RNGTT: variants seen among roughly 807,000 people sequenced by gnomAD.
RNGTT encodes RNA guanylyltransferase and 5'-phosphatase.
A neutral mutation model predicts 79.3 loss-of-function variants in RNGTT; 33 were observed. The observed-to-expected ratio is 0.42, with a 90% confidence interval of 0.32 to 0.56. The LOEUF (loss-of-function observed/expected upper bound fraction) is 0.56, where lower values mean the gene tolerates loss of function less well. Ranked by LOEUF, RNGTT falls within the 20% of genes least tolerant of loss-of-function variation. RNGTT has a pLI of 0.17. For missense variants in RNGTT, 497 were observed against 739.1 expected (o/e 0.67, Z 3.80); for synonymous variants, 222 against 235.9 (o/e 0.94, Z 0.54).
At chr6:88,801,133 G>A (rs144969550) in intron 12 of RNGTT, among the ~76,000 whole-genome samples, 4 of 152,274 alleles carry the variant, frequency 2.6e-5, no homozygotes, top group Non-Finnish European at 4.4e-5. Flanking sequence ...TTCTCAAGTA[G>A]TGACAAAGTA....
chr6:88,896,764 T>C (rs1783263533), intron 6 of RNGTT, among the ~76,000 whole-genome samples: 1 of 152,206 alleles, frequency 6.6e-6, no homozygotes, highest in Non-Finnish European at 1.5e-5. Flanking sequence ...CCCTCTATCC[T>C]TTGTGTATTG....
chr6:88,936,093 C>T (rs1242520637), intron 2 of RNGTT, among the ~76,000 whole-genome samples: 1 of 152,058 alleles, frequency 6.6e-6, no homozygotes, highest in Non-Finnish European at 1.5e-5. Context: ...ATAACTTTTA[C>T]ATTTTTAAAA....
rs1173041273 is a variant in RNGTT, at chr6:88,714,731, C to A, written c.1440-36312G>T. 1.3e-5 allele frequency among the ~76,000 whole-genome samples: 2 copies of A among 151,092 alleles called. 1 individual carries two copies. Among genetic ancestry groups the A allele is most frequent in the South Asian group, 4.2e-4 (2 of 4,772 alleles). On this transcript the variant is annotated intron_variant, in intron 13 of 15. Transcript: ENST00000369485. ...TGCTGGGATTACAGGCGTGAGCCAC[C>A]GCGCCCGGCCTAAAAGTACTTTTTA... is the stretch of plus-strand genomic sequence containing the variant.
chr6:88,836,731 T>A (rs1356257199), intron 11 of RNGTT, among the ~76,000 whole-genome samples: 1 of 151,900 alleles, frequency 6.6e-6, no homozygotes, highest in Non-Finnish European at 1.5e-5. Flanking sequence ...CAGAACAAGA[T>A]CCTATCTCTA....
chr6:88,892,588 C>T (rs914094795), intron 6 of RNGTT, among the ~76,000 whole-genome samples: 9 of 151,802 alleles, frequency 5.9e-5, no homozygotes, highest in African/African-American at 9.7e-5. Flanking sequence ...AATATCACAG[C>T]GAAGTAAAGC....
At chr6:88,818,438 C>A (rs1780395805) in intron 11 of RNGTT, among the ~76,000 whole-genome samples, 1 of 151,912 alleles carries the variant, frequency 6.6e-6, no homozygotes, top group Non-Finnish European at 1.5e-5. Flanking sequence ...CAAAAATTAG[C>A]CAGGCATAGT....
chr6:88,830,180 A>G (rs1021540528), intron 11 of RNGTT, among the ~76,000 whole-genome samples: 5 of 152,192 alleles, frequency 3.3e-5, no homozygotes, highest in South Asian at 2.1e-4. Context: ...AACAGAAATC[A>G]TAACAGTCTC....
At chr6:88,828,173 G>C (rs957947021) in intron 11 of RNGTT, among the ~76,000 whole-genome samples, 3 of 152,124 alleles carry the variant, frequency 2.0e-5, no homozygotes, top group African/African-American at 7.2e-5. Flanking sequence ...TGCCCATCTA[G>C]GACAAAGCTT....
chr6:88,721,223 A>G (rs1776699322), intron 13 of RNGTT, among the ~76,000 whole-genome samples: 1 of 152,022 alleles, frequency 6.6e-6, no homozygotes, highest in Admixed American at 6.6e-5. Context: ...CTTAAATCCA[A>G]ACTACACTCT....
intron 11 of RNGTT, among the ~76,000 whole-genome samples, chr6:88,826,102 T>C (rs1345903874): frequency 2.6e-5 from 4 of 152,150 alleles, no homozygotes; most frequent in Admixed American, 2.0e-4. Flanking sequence ...CAATGACAAA[T>C]CACAGTTGAT....
At chr6:88,779,941 T>C (rs1020574692) in intron 12 of RNGTT, among the ~76,000 whole-genome samples, 5 of 152,018 alleles carry the variant, frequency 3.3e-5, no homozygotes, top group Admixed American at 2.6e-4. Context: ...TTGCAGTGAG[T>C]CAAGATCACA....
chr6:88,853,092 C>G (rs765546941), intron 9 of RNGTT, among the ~76,000 whole-genome samples: 6 of 152,300 alleles, frequency 3.9e-5, no homozygotes, highest in Middle Eastern at 3.4e-3. Context: ...AATTTCTCCA[C>G]CAAAGAAAAT....
chr6:88,935,701 G>A (rs1784645328), intron 2 of RNGTT, among the ~76,000 whole-genome samples: 1 of 152,050 alleles, frequency 6.6e-6, no homozygotes, highest in South Asian at 2.1e-4. Flanking sequence ...CAATCCATGG[G>A]CATGGAGGTC....
At chr6:88,744,676 T>A (rs1418849185) in intron 13 of RNGTT, among the ~76,000 whole-genome samples, 1 of 148,106 alleles carries the variant, frequency 6.8e-6, no homozygotes, top group African/African-American at 2.5e-5. Flanking sequence ...AATAGTTTTT[T>A]ATGCTATGAT....
At chr6:88,932,206 C>T (rs1036787941) in intron 2 of RNGTT, among the ~76,000 whole-genome samples, 1 of 152,132 alleles carries the variant, frequency 6.6e-6, no homozygotes, top group African/African-American at 2.4e-5. Context: ...AGGGATGAAA[C>T]ACACCCTAGT....
chr6:88,771,317 A>G (rs113239417), intron 12 of RNGTT, among the ~76,000 whole-genome samples: 2,099 of 34,386 alleles, frequency 0.061, 17 homozygotes, highest in South Asian at 0.091. Context: ...GTGTGTGTGT[A>G]TATATATATA....
intron 13 of RNGTT, among the ~76,000 whole-genome samples, chr6:88,750,720 A>T (rs1777812555): frequency 1.3e-5 from 2 of 152,238 alleles, no homozygotes; most frequent in South Asian, 2.1e-4. Context: ...GCCTTCTTTC[A>T]GGCTATGCTT....
intron 11 of RNGTT, among the ~76,000 whole-genome samples, chr6:88,820,282 A>C (rs1404004639): frequency 2.0e-5 from 3 of 152,130 alleles, no homozygotes; most frequent in Non-Finnish European, 4.4e-5. Context: ...AGAAAGCAAA[A>C]TTTTAAAACA....
intron 11 of RNGTT, among the ~76,000 whole-genome samples, chr6:88,816,097 C>T (rs1015728659): frequency 4.6e-5 from 7 of 152,032 alleles, no homozygotes; most frequent in African/African-American, 1.7e-4. Context: ...ACCTCTGTTA[C>T]GGTGATTTTA....
Sources: allele counts gnomAD v4.1 joint callset (sites outside exome capture counted in the v4.1 genomes callset), GRCh38; gene constraint gnomAD v4.1.1; transcripts MANE v1.5; gene names NCBI Gene and HGNC (gene_info 2026-07-23, HGNC 2026-07-21).